The following ABCB1 variants were observed in gnomAD, a reference collection of about 807,000 sequenced individuals.
ABCB1 encodes the protein ATP binding cassette subfamily B member 1, also known as ATP-dependent translocase ABCB1.
Under a neutral mutation model 142.0 loss-of-function variants are expected in ABCB1, and 69 were observed. That is an observed-to-expected ratio of 0.49 (90% CI 0.40 to 0.59). ABCB1 has a LOEUF of 0.59. ABCB1 is among the 20% of genes least tolerant of loss of function. ABCB1 has a pLI of 0.00. For missense variants in ABCB1, 1,326 were observed against 1,554.7 expected, an observed-to-expected ratio of 0.85 and a Z score of 2.47; for synonymous variants, 532 against 539.2, an observed-to-expected ratio of 0.99 and a Z score of 0.18.
At chr7:87,533,383 A>G (rs888802307) in intron 20 of ABCB1, among the ~76,000 whole-genome samples, 2 of 152,106 alleles carry the variant, frequency 1.3e-5, no homozygotes, top group African/African-American at 4.8e-5. Context: ...TGGCTATTTA[A>G]CTTTTCAGAC....
rs554348658 is a variant in ABCB1 at position 87,684,330 on chromosome 7, T to G, written c.-331+28831A>C. On this transcript the variant is annotated intron_variant, in intron 1 of 28. Transcript: ENST00000265724. Reference sequence around the variant, plus strand: ...CTTTTTTTGTAGATATAAAACTTACTCTAAAATTTATATGTCTAGGCAAAG... The same window carrying G: ...CTTTTTTTGTAGATATAAAACTTACGCTAAAATTTATATGTCTAGGCAAAG... Among the ~76,000 whole-genome samples, 6 of 152,330 alleles carry G rather than the reference T, an allele frequency of 3.9e-5. No individual in the cohort carries two copies. The East Asian group carries it at 1.2e-3, about 29-fold the overall frequency.
intron 1 of ABCB1, among the ~76,000 whole-genome samples, chr7:87,670,297 G>A (rs1237550222): frequency 2.0e-5 from 3 of 152,130 alleles, no homozygotes; most frequent in African/African-American, 7.2e-5. Flanking sequence ...TGAAATTATT[G>A]TATTGTGTTA....
At chr7:87,512,541 T>C (rs1434391075) in intron 25 of ABCB1, among the ~76,000 whole-genome samples, 3 of 152,232 alleles carry the variant, frequency 2.0e-5, no homozygotes, top group African/African-American at 7.2e-5. Context: ...GGTCCACTGA[T>C]GGTCACGAGA....
intron 1 of ABCB1, among the ~76,000 whole-genome samples, chr7:87,681,059 T>C (rs1272870858): frequency 6.6e-6 from 1 of 150,528 alleles, no homozygotes; most frequent in African/African-American, 2.5e-5. Context: ...CTACAGACCT[T>C]ACATTCAAAG....
At chr7:87,635,098 A>G (rs939221495) in intron 1 of ABCB1, among the ~76,000 whole-genome samples, 3 of 152,180 alleles carry the variant, frequency 2.0e-5, no homozygotes, top group African/African-American at 7.2e-5. Context: ...TCAAAATTTC[A>G]GTTGAGAGAT....
intron 1 of ABCB1, among the ~76,000 whole-genome samples, chr7:87,698,451 A>G (rs1482386750): frequency 6.6e-6 from 1 of 152,216 alleles, no homozygotes; most frequent in Non-Finnish European, 1.5e-5. Context: ...AAAGATTTAT[A>G]GATGCATTTG....
chr7:87,628,775 G>A, intron 1 of ABCB1: 1 of 1,129,914 alleles, frequency 8.9e-7, no homozygotes, highest in Non-Finnish European at 1.1e-6. Context: ...CAGGTGTGGG[G>A]GGCGTGCGGG....
intron 17 of ABCB1, among the ~76,000 whole-genome samples, chr7:87,542,571 C>T (rs28381931): frequency 0.027 from 4,088 of 152,214 alleles, 196 homozygotes; most frequent in African/African-American, 0.092. Flanking sequence ...TACCTCCAGA[C>T]TTATTGTCAT....
chr7:87,539,439 A>G (rs1816435779), intron 18 of ABCB1, 94 bp from the exon 19 acceptor site: 2 of 1,230,912 alleles, frequency 1.6e-6, no homozygotes, highest in African/African-American at 1.5e-5. Context: ...AGATCAGACA[A>G]AGTCAGAAAG....
At chr7:87,558,056 T>C (rs1817378748) in intron 8 of ABCB1, among the ~76,000 whole-genome samples, 2 of 152,130 alleles carry the variant, frequency 1.3e-5, no homozygotes, top group East Asian at 3.9e-4. Flanking sequence ...GAAAAAAACC[T>C]CCCTGAGAAT....
At chr7:87,694,027 G>A in intron 1 of ABCB1, 2 of 1,590,274 alleles carry the variant, frequency 1.3e-6, no homozygotes, top group Non-Finnish European at 1.7e-6. Context: ...TTCGGGGGAG[G>A]GCTGTATCAG....
At chr7:87,597,170 C>G (rs1024651323) in intron 2 of ABCB1, among the ~76,000 whole-genome samples, 2 of 151,974 alleles carry the variant, frequency 1.3e-5, no homozygotes, top group Non-Finnish European at 1.5e-5. Context: ...CTATAAGGTG[C>G]AACCTCAGAT....
At chr7:87,675,672 A>G (rs1471194979) in intron 1 of ABCB1, among the ~76,000 whole-genome samples, 4 of 144,358 alleles carry the variant, frequency 2.8e-5, no homozygotes, top group Non-Finnish European at 6.1e-5. Context: ...AAAAAAAAAA[A>G]GGAAAAAGAA....
At chr7:87,699,198 GATTTAAAGTAAATA>G (rs1331596695) in intron 1 of ABCB1, among the ~76,000 whole-genome samples, 1 of 151,832 alleles carries the variant, frequency 6.6e-6, no homozygotes, top group East Asian at 1.9e-4. Context: ...AGGAAGGGAG[GATTTAAAGTAAATA>G]ATTAAATCAT....
intron 21 of ABCB1, among the ~76,000 whole-genome samples, chr7:87,527,063 AT>A (rs570023781): frequency 2.0e-5 from 3 of 151,820 alleles, no homozygotes; most frequent in African/African-American, 2.4e-5. Context: ...CTTCTCAATG[AT>A]TTTTTTTAAT....
At chr7:87,565,791 T>C (rs1332886093) in intron 7 of ABCB1, among the ~76,000 whole-genome samples, 8 of 152,060 alleles carry the variant, frequency 5.3e-5, no homozygotes, top group African/African-American at 1.9e-4. Context: ...GTTTGTTTAC[T>C]TGCTCGTTTT....
At chr7:87,630,308 C>T (rs1821085071) in intron 1 of ABCB1, among the ~76,000 whole-genome samples, 1 of 152,130 alleles carries the variant, frequency 6.6e-6, no homozygotes, top group Non-Finnish European at 1.5e-5. Flanking sequence ...TGAATTATTA[C>T]AAATGTTTAT....
chr7:87,711,636 G>C (rs1830094993), intron 1 of ABCB1, among the ~76,000 whole-genome samples: 1 of 152,044 alleles, frequency 6.6e-6, no homozygotes, highest in Non-Finnish European at 1.5e-5. Flanking sequence ...GACATAAACT[G>C]TTTAATGTAG....
chr7:87,575,423 C>T (rs753636479), intron 4 of ABCB1, among the ~76,000 whole-genome samples: 2 of 152,044 alleles, frequency 1.3e-5, no homozygotes, highest in Non-Finnish European at 1.5e-5. Context: ...CTAATATCAT[C>T]GGATTTCTGT....
Sources: allele counts gnomAD v4.1 joint callset (sites outside exome capture counted in the v4.1 genomes callset), GRCh38; gene constraint gnomAD v4.1.1; transcripts MANE v1.5; gene names NCBI Gene and HGNC (gene_info 2026-07-23, HGNC 2026-07-21).